Variants in RSRP1 observed in about 807,000 individuals in gnomAD.
RSRP1 encodes the protein arginine/serine-rich protein 1.
Under a neutral mutation model 33.0 loss-of-function variants are expected in RSRP1, and 37 were observed. That is an observed-to-expected ratio of 1.12 (90% CI 0.86 to 1.48). The LOEUF is 1.48. RSRP1 is among the 40% of genes most tolerant of loss of function. The probability of loss-of-function intolerance (pLI) is 0.00; values close to 1 mark genes in which losing one functional copy is unlikely to be tolerated. For missense variants in RSRP1, 402 were observed against 385.3 expected (o/e 1.04, Z -0.36); for synonymous variants, 167 against 158.7 (o/e 1.05, Z -0.40).
intron 1 of RSRP1, among the ~76,000 whole-genome samples, chr1:25,322,179 C>T (rs1366265879): frequency 7.6e-6 from 1 of 131,124 alleles, no homozygotes; most frequent in Non-Finnish European, 1.8e-5. Context: ...TCCCTGATAC[C>T]TCAAATTCAT....
chr1:25,262,509 A>G (rs1187656876), intron 1 of RSRP1, among the ~76,000 whole-genome samples: 1 of 152,210 alleles, frequency 6.6e-6, no homozygotes, highest in Admixed American at 6.6e-5. Flanking sequence ...ATAGATATAT[A>G]AAAGAGGGTT....
chr1:25,300,511 CAA>C (rs59194477), intron 1 of RSRP1, among the ~76,000 whole-genome samples: 90,594 of 96,524 alleles, frequency 0.94, 43,140 homozygotes, highest in Non-Finnish European at 0.99. Flanking sequence ...GACTCTGTCT[CAA>C]AAAAAAAAAA....
Position 25,246,737 on chromosome 1 carries a change from C to A in RSRP1, c.227G>T (p.Arg76Leu), listed in dbSNP as rs779324311. The A allele has an allele frequency of 4.4e-6, 7 of 1,608,744 alleles. No individual in the cohort carries two copies. Among genetic ancestry groups the A allele is most frequent in the Admixed American group, 1.7e-5 (1 of 59,916 alleles). The stretch of plus-strand genomic sequence containing the variant: ...GCTCCGCGAGTATGACCGCGAGTAG[C>A]GCCTGTACTTCCGCTGGTGGCGCCT... ...SRRRHQRKYR[R>L]YSRSYSRSRS... Residue 76 changes from arginine (R) to leucine (L), a missense_variant, in exon 2 of 5, where the codon CGC becomes CTC. Arg to Leu is a moderately radical substitution (Grantham distance 102). Coordinates refer to ENST00000243189, the MANE Select transcript of RSRP1 (RefSeq NM_020317.5).
intron 1 of RSRP1, among the ~76,000 whole-genome samples, chr1:25,276,557 T>TAAAAAAAAAAAAAAAAAAAAAAAAA (rs1641013640): frequency 1.3e-5 from 1 of 77,534 alleles, no homozygotes; most frequent in African/African-American, 7.6e-5. Flanking sequence ...AAAAAAAAAC[T>TAAAAAAAAAAAAAAAAAAAAAAAAA]TTAAAATTTA....
chr1:25,257,250 A>T (rs1012120417), intron 1 of RSRP1, among the ~76,000 whole-genome samples: 8 of 152,088 alleles, frequency 5.3e-5, no homozygotes, highest in Non-Finnish European at 2.9e-5. Context: ...AGCATTTATC[A>T]CGCTTGTAAT....
chr1:25,333,267 T>C (rs1185438246), intron 1 of RSRP1, among the ~76,000 whole-genome samples: 1 of 131,382 alleles, frequency 7.6e-6, no homozygotes, highest in Non-Finnish European at 1.8e-5. Context: ...GCCTTTCCAG[T>C]TCTCTAGGTA....
chr1:25,244,079 C>A (rs1391156818), intron 3 of RSRP1: 2 of 1,214,834 alleles, frequency 1.6e-6, no homozygotes, highest in Admixed American at 3.6e-5. Context: ...TTTAAGCCCC[C>A]GAGACGGGAG....
chr1:25,288,821 G>C (rs1642258564), intron 1 of RSRP1, among the ~76,000 whole-genome samples: 1 of 128,082 alleles, frequency 7.8e-6, no homozygotes, highest in South Asian at 2.4e-4. Context: ...CGGCACACAC[G>C]CTCCTGAGTT....
chr1:25,284,767 G>A lies in RSRP1; in HGVS notation c.-66-37738C>T, dbSNP rs750386046. On this transcript the variant is annotated intron_variant, in intron 1 of 1. Transcript: ENST00000561867. The stretch of plus-strand genomic sequence containing the variant: ...GGTCATCACACTGTTCAGGTATTGG[G>A]ATGGTGGCTGGATCACTTCTGGGTC... 2.2e-6 allele frequency: 3 copies of A among 1,388,058 alleles called. No homozygotes were observed. The East Asian group carries it at 6.7e-5, about 31-fold the overall frequency. 86.0% of individuals were successfully genotyped at this position (1,388,058 alleles called of 1,614,324 possible). A position where few individuals can be genotyped will look rare whatever the true frequency, so the allele number is the denominator to read the frequency against.
rs1557478261 is a variant in RSRP1, at chr1:25,242,346, T to C, written c.*243A>G. The C allele has an allele frequency of 6.9e-6, 2 of 290,314 alleles. No homozygotes were observed. Among genetic ancestry groups the C allele is most frequent in the Admixed American group, 9.8e-5 (2 of 20,492 alleles). The allele number at this position is 290,314 out of a possible 1,614,324, so 18.0% of individuals were successfully genotyped here. A position where few individuals can be genotyped will look rare whatever the true frequency, so the allele number is the denominator to read the frequency against. On this transcript the variant is annotated 3_prime_UTR_variant, in exon 5 of 5. Coordinates refer to ENST00000243189, the MANE Select transcript of RSRP1 (RefSeq NM_020317.5). ...TCATTTTTACATAACCAAGACAATA[T>C]TTACAACTATATACAAAAGACTCCC...
At chr1:25,263,174 G>C (rs605298) in intron 1 of RSRP1, among the ~76,000 whole-genome samples, 9,689 of 150,994 alleles carry the variant, frequency 0.064, 359 homozygotes, top group Middle Eastern at 0.18. Context: ...GTGTGTATCA[G>C]GGTCAGCAAA....
chr1:25,287,166 C>T (rs552024186), intron 1 of RSRP1, among the ~76,000 whole-genome samples: 4 of 134,496 alleles, frequency 3.0e-5, no homozygotes, highest in African/African-American at 1.0e-4. Flanking sequence ...CACACATGCA[C>T]GCATACACAC....
At chr1:25,300,979 G>C in intron 1 of RSRP1, 1 of 1,378,792 alleles carries the variant, frequency 7.3e-7, no homozygotes, top group South Asian at 1.2e-5. Context: ...GCACATCTAC[G>C]TGTTCGCAGC....
At chr1:25,296,574 C>G (rs1268455649) in intron 1 of RSRP1, among the ~76,000 whole-genome samples, 1 of 130,126 alleles carries the variant, frequency 7.7e-6, no homozygotes, top group African/African-American at 2.6e-5. Context: ...CAGTTGGGTT[C>G]TGTATCCCCC....
intron 1 of RSRP1, among the ~76,000 whole-genome samples, chr1:25,288,082 T>A (rs561861205): frequency 0.021 from 2,797 of 132,490 alleles, 438 homozygotes; most frequent in African/African-American, 0.066. Context: ...AAGTGGCATG[T>A]TCATGGCTCA....
rs1639067584 is a variant in RSRP1 at position 25,243,534 on chromosome 1, G to A, written c.756+16C>T. 6.2e-7 allele frequency: 1 copy of A among 1,611,562 alleles called. No homozygotes were observed. The highest frequency in any genetic ancestry group is 8.5e-7 in the Non-Finnish European group (1 of 1,178,612). ...TAAATCCAATTTTTGAGTGTTCAAT[G>A]CCTGGATATACTTACATTAGAGCTA... On this transcript the variant is annotated intron_variant, in intron 4 of 4. Coordinates refer to ENST00000243189, the MANE Select transcript of RSRP1 (RefSeq NM_020317.5).
At chr1:25,309,790 C>T (rs1280543122) in intron 1 of RSRP1, among the ~76,000 whole-genome samples, 1 of 132,118 alleles carries the variant, frequency 7.6e-6, no homozygotes, top group African/African-American at 2.6e-5. Flanking sequence ...AGCTCACTCA[C>T]AGGGCTGCTG....
rs145885278 is a variant in RSRP1 at position 25,305,871 on chromosome 1, G to A, written c.-67+32107C>T. Among the ~76,000 whole-genome samples the A allele has an allele frequency of 5.8e-3, 759 of 131,250 alleles. 107 individuals are homozygous for A. Among genetic ancestry groups the A allele is most frequent in the African/African-American group, 0.019 (708 of 38,088 alleles). The allele number at this position is 131,250 out of a possible 152,430, so 86.1% of individuals were successfully genotyped here. ...CCCATGTCGGCCTCCCAAAGTGCTG[G>A]GATTACAGGCATGAGCCACCGTGCC... On this transcript the variant is annotated intron_variant, in intron 1 of 1. Transcript: ENST00000561867.
chr1:25,264,031 G>A (rs2124565579), intron 1 of RSRP1, among the ~76,000 whole-genome samples: 1 of 152,154 alleles, frequency 6.6e-6, no homozygotes, highest in East Asian at 1.9e-4. Context: ...GGAAGGGGTG[G>A]GTTCCCATGG....
Sources: allele counts gnomAD v4.1 joint callset (sites outside exome capture counted in the v4.1 genomes callset), GRCh38; gene constraint gnomAD v4.1.1; transcripts MANE v1.5; gene names NCBI Gene and HGNC (gene_info 2026-07-23, HGNC 2026-07-21).